TTC22: variants seen among roughly 807,000 people sequenced by gnomAD.
The protein encoded by TTC22 is tetratricopeptide repeat protein 22.
A neutral mutation model predicts 48.2 loss-of-function variants in TTC22; 42 were observed. The ratio of observed to expected loss-of-function variants is 0.87; its 90% CI spans 0.68 to 1.13. The LOEUF (loss-of-function observed/expected upper bound fraction) is 1.13. Among genes scored for constraint, TTC22 ranks in the 50% most tolerant of loss-of-function variants. TTC22 has a pLI of 0.00. For synonymous variants in TTC22, 345 were observed against 365.5 expected (o/e 0.94, Z 0.64); for missense variants, 784 against 807.0 (o/e 0.97, Z 0.34).
intron 6 of TTC22, 72 bp downstream of exon 6, chr1:54,782,253 C>A: frequency 7.0e-7 from 1 of 1,422,032 alleles, no homozygotes; most frequent in Non-Finnish European, 9.3e-7. Flanking sequence ...CTTGGCCTAG[C>A]CCTTGGTCTA....
rs1372096130 is a variant in TTC22 at position 54,786,157 on chromosome 1, G to C, written c.859-13C>G. ...CAATCTCAATGGCCTAGGTAAGGGA[G>C]GAGTGCAAAAACAAACCACTTGCTT... On this transcript the variant is annotated splice_polypyrimidine_tract_variant and intron_variant, in intron 4 of 6. Transcript: ENST00000371276. 3 of 1,612,918 alleles carry C rather than the reference G, an allele frequency of 1.9e-6. No individual in the cohort carries two copies. Among genetic ancestry groups the C allele is most frequent in the Admixed American group, 3.3e-5 (2 of 59,894 alleles).
Position 54,781,231 on chromosome 1 carries a change from G to A in TTC22, c.*12C>T, listed in dbSNP as rs753954017. 21 of 1,434,478 alleles carry A rather than the reference G, an allele frequency of 1.5e-5. No individual in the cohort carries two copies. The highest frequency in any genetic ancestry group is 6.2e-5 in the Admixed American group (2 of 32,104). 88.9% of individuals were successfully genotyped at this position (1,434,478 alleles called of 1,614,324 possible). A position where few individuals can be genotyped will look rare whatever the true frequency, so the allele number is the denominator to read the frequency against. On this transcript the variant is annotated 3_prime_UTR_variant, in exon 7 of 7. Coordinates refer to ENST00000371276, the MANE Select transcript of TTC22 (RefSeq NM_001114108.2). ...GGGGTCCCAGGGAGCCTCCGGCCTG[G>A]GCACCTGAGCCCTAGAATGAGACAG...
chr1:54,792,536 C>T (rs998528821), intron 1 of TTC22, among the ~76,000 whole-genome samples: 1 of 152,084 alleles, frequency 6.6e-6, no homozygotes, highest in African/African-American at 2.4e-5. Context: ...CGGGTTTAAG[C>T]AATTCTCCTG....
At chr1:54,790,329 A>G (rs191715597) in intron 1 of TTC22, among the ~76,000 whole-genome samples, 16 of 152,348 alleles carry the variant, frequency 1.1e-4, no homozygotes, top group African/African-American at 3.4e-4. Flanking sequence ...GCAGTGAACT[A>G]TGATAGCACC....
Position 54,782,476 on chromosome 1 carries a change from A to G in TTC22, c.1022T>C (p.Ile341Thr). Residue 341 changes from isoleucine (I) to threonine (T), a missense_variant and splice_region_variant, in exon 6 of 7, where the codon ATC becomes ACC. Physicochemically the swap from Ile to Thr is moderately conservative, Grantham distance 89. Transcript: ENST00000371276. Reference protein sequence around the residue: ...NWQAYCTRAKIHIRAYLHDLK... With the variant: ...NWQAYCTRAKTHIRAYLHDLK... ...GTCATGCAGGTAGGCTCTGATGTGG[A>G]TCTGCCAACAGAGAGCCAGCTTAGG... 1 of 1,542,758 alleles carries G rather than the reference A, an allele frequency of 6.5e-7. No individual in the cohort carries two copies. The highest frequency in any genetic ancestry group is 8.8e-7 in the Non-Finnish European group (1 of 1,142,080).
At chr1:54,789,230 T>TA (rs2101455139) in intron 1 of TTC22, among the ~76,000 whole-genome samples, 1 of 152,272 alleles carries the variant, frequency 6.6e-6, no homozygotes, top group African/African-American at 2.4e-5. Context: ...CCAGGCCTGA[T>TA]AGAGGCCATG....
chr1:54,784,161 G>A (rs946083881), intron 5 of TTC22, among the ~76,000 whole-genome samples: 1 of 152,228 alleles, frequency 6.6e-6, no homozygotes, highest in African/African-American at 2.4e-5. Flanking sequence ...GGCCAGTAGG[G>A]TTGGAAGACT....
intron 1 of TTC22, among the ~76,000 whole-genome samples, chr1:54,797,840 G>A (rs544794513): frequency 4.6e-4 from 70 of 152,266 alleles, no homozygotes; most frequent in Non-Finnish European, 8.8e-4. Context: ...TTCTTCAGCA[G>A]CTCTTTGTCC....
At chr1:54,798,092 C>T (rs947645815) in intron 1 of TTC22, among the ~76,000 whole-genome samples, 3 of 152,232 alleles carry the variant, frequency 2.0e-5, no homozygotes, top group Admixed American at 1.3e-4. Flanking sequence ...CCATCCTGCT[C>T]GCCATCTGCA....
intron 1 of TTC22, among the ~76,000 whole-genome samples, chr1:54,792,665 TC>T (rs1351478812): frequency 1.3e-5 from 2 of 152,166 alleles, no homozygotes; most frequent in Non-Finnish European, 1.5e-5. Context: ...ACTTCCGACT[TC>T]GGGTGATCTG....
chr1:54,786,077 C>T lies in TTC22; in HGVS notation c.926G>A (p.Gly309Glu). 1 of 1,614,074 alleles carries T rather than the reference C, an allele frequency of 6.2e-7. No homozygotes were observed. The highest frequency in any genetic ancestry group is 8.5e-7 in the Non-Finnish European group (1 of 1,179,950). The change falls in exon 5 of 7, where the codon GGA (glycine) becomes GAA (glutamate). Residue 309 changes from glycine (G) to glutamate (E), a missense_variant. Physicochemically the swap from Gly to Glu is moderately conservative, Grantham distance 98 (BLOSUM62 -2). Coordinates refer to ENST00000371276, the MANE Select transcript of TTC22 (RefSeq NM_001114108.2). ...GGTTCCAATGGCCATATCCTGCTTT[C>T]CCAGGAAGTAGAAGATTTTTGCCAG... ...NRLAKIFYFL[G>E]KQDMAIGTCN... is the part of the protein sequence containing the mutation.
chr1:54,784,708 A>G, intron 5 of TTC22: 1 of 1,219,618 alleles, frequency 8.2e-7, no homozygotes, highest in East Asian at 7.0e-5. Context: ...TGAGACCAAG[A>G]CTGGGAGTAG....
intron 1 of TTC22, among the ~76,000 whole-genome samples, chr1:54,798,710 C>T (rs1570122024): frequency 2.6e-5 from 4 of 152,326 alleles, no homozygotes; most frequent in African/African-American, 9.6e-5. Context: ...AAAACAGAGC[C>T]TGGCACATAG....
intron 4 of TTC22, chr1:54,786,706 G>T: frequency 2.6e-6 from 1 of 379,442 alleles, no homozygotes; most frequent in Non-Finnish European, 4.7e-6. Flanking sequence ...TGTGAATGAA[G>T]GTCTCAAGGG....
In TTC22 at chr1:54,801,313, C is replaced by T; in HGVS notation, c.-150G>A. On this transcript the variant is annotated 5_prime_UTR_variant, in exon 1 of 7. Coordinates refer to ENST00000371276, the MANE Select transcript of TTC22 (RefSeq NM_001114108.2). ...CTGCGGCCTCTCGGTCTCAGGGCGC[C>T]TCCCGCAGGTGGGTGGGCCCGAGGA... The T allele has an allele frequency of 1.3e-6, 1 of 763,378 alleles. No individual in the cohort carries two copies. The highest frequency in any genetic ancestry group is 2.1e-6 in the Non-Finnish European group (1 of 478,822). The allele number at this position is 763,378 out of a possible 1,614,324, so 47.3% of individuals were successfully genotyped here.
Position 54,782,405 on chromosome 1 carries a change from G to C in TTC22, c.1093C>G (p.His365Asp). The change falls in exon 6 of 7, where the codon CAC (histidine) becomes GAC (aspartate). Residue 365 changes from histidine to aspartate, a missense_variant. Transcript: ENST00000371276. ...MGLGGMPDRNHLACAKADLEE... is the reference protein window; with the variant it reads ...MGLGGMPDRNDLACAKADLEE... ...AGGTCAGCCTTGGCACAGGCCAGGT[G>C]GTTCCTGTCAGGCATGCCCCCGAGA... 2 of 1,551,540 alleles carry C rather than the reference G, an allele frequency of 1.3e-6. No individual in the cohort carries two copies. The highest frequency in any genetic ancestry group is 1.7e-6 in the Non-Finnish European group (2 of 1,146,940).
Position 54,781,796 on chromosome 1 carries a change from G to T in TTC22, c.1174-17C>A. On this transcript the variant is annotated splice_polypyrimidine_tract_variant and intron_variant, in intron 6 of 6. Transcript: ENST00000371276. Reference sequence around the variant, plus strand: ...GTAGTAGACCTGGGGTCGGGGACGCGGGGTGAGCCCTTCACCGCAGGCGCG... The same window carrying T: ...GTAGTAGACCTGGGGTCGGGGACGCTGGGTGAGCCCTTCACCGCAGGCGCG... 1 of 1,402,136 alleles carries T rather than the reference G, an allele frequency of 7.1e-7. No homozygotes were observed. The highest frequency in any genetic ancestry group is 9.2e-7 in the Non-Finnish European group (1 of 1,082,462). The allele number at this position is 1,402,136 out of a possible 1,614,324, so 86.9% of individuals were successfully genotyped here.
intron 5 of TTC22, 62 bp from the exon 6 acceptor site, chr1:54,782,539 G>C: frequency 6.9e-7 from 1 of 1,444,840 alleles, no homozygotes; most frequent in Non-Finnish European, 9.2e-7. Context: ...CTTCCTCTCT[G>C]CTCTAAATGA....
At position 54,787,809 on chromosome 1, in the gene TTC22, AG is replaced by A; in HGVS notation, c.640del (p.Leu214TrpfsTer25). 1 of 1,610,932 alleles carries A rather than the reference AG, an allele frequency of 6.2e-7. No individual in the cohort carries two copies. Among genetic ancestry groups the A allele is most frequent in the Non-Finnish European group, 8.5e-7 (1 of 1,178,542 alleles). ...CTTCTGCTCCTCACTGCCCAGCTCC[AG>A]GAAGATGCCATCTAGCCTGTGGCCG... ...TLYIRLDGIF[L>X]ELGSEEQKRL... On this transcript the variant is annotated frameshift_variant, in exon 3 of 7. Transcript: ENST00000371276. LOFTEE classifies it high-confidence loss of function.
Sources: gnomAD v4.1 joint callset for allele counts (sites outside exome capture counted in the v4.1 genomes callset) on GRCh38, gnomAD v4.1.1 for gene constraint, MANE v1.5 for transcripts, NCBI Gene and HGNC (gene_info 2026-07-23, HGNC 2026-07-21) for gene names.